The following MMP16 variants were observed in gnomAD, a reference collection of about 807,000 sequenced individuals.
MMP16 encodes the protein matrix metalloproteinase-16.
MMP16 carries 12 observed loss-of-function variants against 67.8 expected under a neutral mutation model. The observed-to-expected ratio is 0.18, with a 90% CI of 0.11 to 0.29. MMP16 has a LOEUF of 0.29. Ranked by LOEUF, MMP16 falls within the 10% of genes least tolerant of loss-of-function variation. MMP16 has a pLI of 1.00. For synonymous variants in MMP16, 249 were observed against 255.9 expected (o/e 0.97, Z 0.26); for missense variants, 475 against 765.7 (o/e 0.62, Z 4.48).
At chr8:88,271,242 T>C (rs1049944493) in intron 1 of MMP16, among the ~76,000 whole-genome samples, 2 of 152,214 alleles carry the variant, frequency 1.3e-5, no homozygotes, top group East Asian at 3.9e-4. Flanking sequence ...TTCAATTACT[T>C]ATGACCTGGT....
chr8:88,162,878 C>G, intron 4 of MMP16, among the ~76,000 whole-genome samples: 1 of 152,154 alleles, frequency 6.6e-6, no homozygotes, highest in African/African-American at 2.4e-5. Flanking sequence ...GTCTCCCATA[C>G]AGCATGTAGA....
chr8:88,271,837 T>C (rs1810568246), intron 1 of MMP16, among the ~76,000 whole-genome samples: 1 of 152,188 alleles, frequency 6.6e-6, no homozygotes, highest in Non-Finnish European at 1.5e-5. Context: ...CATGAGAACT[T>C]GGTAGATAAC....
In MMP16 at chr8:88,040,472, T is replaced by C. The variant is rs1808116523; in HGVS notation, c.*989A>G. 6.6e-6 allele frequency: 1 copy of C among 152,258 alleles called. No individual in the cohort carries two copies. Among genetic ancestry groups the C allele is most frequent in the African/African-American group, 2.4e-5 (1 of 41,430 alleles). 9.4% of individuals were successfully genotyped at this position (152,258 alleles called of 1,614,324 possible). A position where few individuals can be genotyped will look rare whatever the true frequency, so the allele number is the denominator to read the frequency against. On this transcript the variant is annotated 3_prime_UTR_variant, in exon 10 of 10. Coordinates refer to ENST00000286614, the MANE Select transcript of MMP16 (RefSeq NM_005941.5). Reference sequence around the variant, plus strand: ...AAGGGTTACACGGGTATGTTACTAGTGTCACAAATCCTTGTAAAATAACTG... The same window carrying C: ...AAGGGTTACACGGGTATGTTACTAGCGTCACAAATCCTTGTAAAATAACTG...
chr8:88,045,041 C>T (rs955796286), intron 9 of MMP16, among the ~76,000 whole-genome samples: 1 of 152,114 alleles, frequency 6.6e-6, no homozygotes, highest in Non-Finnish European at 1.5e-5. Context: ...CTATGGATTT[C>T]TGCTTCTGTC....
chr8:88,262,702 G>A (rs1198558956), intron 1 of MMP16, among the ~76,000 whole-genome samples: 1 of 151,870 alleles, frequency 6.6e-6, no homozygotes, highest in East Asian at 1.9e-4. Context: ...TTTGGAGTAA[G>A]TTAAAGTTTT....
intron 6 of MMP16, among the ~76,000 whole-genome samples, chr8:88,097,482 C>T (rs147386290): frequency 2.0e-4 from 31 of 151,344 alleles, no homozygotes; most frequent in African/African-American, 6.8e-4. Flanking sequence ...AAAAATTAGC[C>T]GAGTGTCAGG....
chr8:88,231,832 T>A (rs1809863817), intron 1 of MMP16, among the ~76,000 whole-genome samples: 1 of 152,190 alleles, frequency 6.6e-6, no homozygotes, highest in Non-Finnish European at 1.5e-5. Context: ...TTAAAAAAGT[T>A]TTTCTCTAAA....
chr8:88,266,901 T>C (rs1255365493), intron 1 of MMP16, among the ~76,000 whole-genome samples: 2 of 152,236 alleles, frequency 1.3e-5, no homozygotes, highest in African/African-American at 4.8e-5. Context: ...CTTTGCTTTA[T>C]ACATTTCCTC....
At chr8:88,201,226 T>TTAGGGCTATAA (rs1809340296) in intron 1 of MMP16, among the ~76,000 whole-genome samples, 2 of 151,304 alleles carry the variant, frequency 1.3e-5, no homozygotes, top group Non-Finnish European at 2.9e-5. Context: ...AAGAGATACA[T>TTAGGGCTATAA]TTTAGAAATT....
chr8:88,274,706 A>AT (rs1810617597), intron 1 of MMP16, among the ~76,000 whole-genome samples: 1 of 152,036 alleles, frequency 6.6e-6, no homozygotes, highest in East Asian at 1.9e-4. Context: ...AATGAGTCTG[A>AT]TTAGGCTTGT....
At chr8:88,132,489 T>C (rs923560138) in intron 4 of MMP16, among the ~76,000 whole-genome samples, 2 of 151,842 alleles carry the variant, frequency 1.3e-5, no homozygotes, top group Admixed American at 1.3e-4. Flanking sequence ...GAGGCTCTGC[T>C]TCAAAGCCCA....
chr8:88,050,996 C>T (rs976160712), intron 8 of MMP16, among the ~76,000 whole-genome samples: 13 of 152,274 alleles, frequency 8.5e-5, no homozygotes, highest in Non-Finnish European at 1.5e-4. Context: ...ATTTTTCCCT[C>T]TCCTAGCAGA....
At chr8:88,218,062 AG>A (rs1809622115) in intron 1 of MMP16, among the ~76,000 whole-genome samples, 2 of 152,138 alleles carry the variant, frequency 1.3e-5, no homozygotes, top group South Asian at 4.1e-4. Flanking sequence ...ATTAGGCAAA[AG>A]ATCTTCTGAC....
At chr8:88,160,562 G>A (rs890191856) in intron 4 of MMP16, among the ~76,000 whole-genome samples, 4 of 152,086 alleles carry the variant, frequency 2.6e-5, no homozygotes, top group African/African-American at 9.7e-5. Context: ...TCAGAGAAAT[G>A]CAAATCAAAA....
At chr8:88,281,968 C>T (rs188250925) in intron 1 of MMP16, among the ~76,000 whole-genome samples, 2 of 151,962 alleles carry the variant, frequency 1.3e-5, no homozygotes, top group African/African-American at 2.4e-5. Flanking sequence ...TGTTCAAATA[C>T]TTCCTTCCTG....
chr8:88,206,495 T>G (rs1041671006), intron 1 of MMP16, among the ~76,000 whole-genome samples: 5 of 152,030 alleles, frequency 3.3e-5, no homozygotes, highest in African/African-American at 1.2e-4. Flanking sequence ...CCAGTCAGAG[T>G]GAGGGAGGGT....
chr8:88,162,943 C>A (rs1159359862), intron 4 of MMP16, among the ~76,000 whole-genome samples: 2 of 152,000 alleles, frequency 1.3e-5, no homozygotes, highest in African/African-American at 4.8e-5. Context: ...TCAGGTAGTT[C>A]TTTATATCAG....
intron 1 of MMP16, among the ~76,000 whole-genome samples, chr8:88,198,638 G>A (rs1809293854): frequency 6.6e-6 from 1 of 151,802 alleles, no homozygotes; most frequent in Non-Finnish European, 1.5e-5. Flanking sequence ...ACACAAAGTG[G>A]AATTTTTCAT....
At chr8:88,296,852 A>T in intron 1 of MMP16, among the ~76,000 whole-genome samples, 1 of 151,772 alleles carries the variant, frequency 6.6e-6, no homozygotes, top group East Asian at 1.9e-4. Context: ...CTAAAAAAAA[A>T]AAAAAACAGC....
Sources: allele counts gnomAD v4.1 joint callset (sites outside exome capture counted in the v4.1 genomes callset), GRCh38; gene constraint gnomAD v4.1.1; transcripts MANE v1.5; gene names NCBI Gene and HGNC (gene_info 2026-07-23, HGNC 2026-07-21).